Variants in ANKRD44 observed in about 807,000 individuals in gnomAD.
The protein encoded by ANKRD44 is ankyrin repeat domain 44, also known as serine/threonine-protein phosphatase 6 regulatory ankyrin repeat subunit B.
Under a neutral mutation model 116.0 loss-of-function variants are expected in ANKRD44, and 35 were observed. The observed-to-expected ratio is 0.30, with a 90% CI of 0.23 to 0.40. The LOEUF is 0.40. Ranked by LOEUF, ANKRD44 falls within the 10% of genes least tolerant of loss-of-function variation. The probability of loss-of-function intolerance (pLI) is 1.00; values close to 1 mark genes in which losing one functional copy is unlikely to be tolerated. For missense variants in ANKRD44, 1,014 were observed against 1,242.6 expected, an observed-to-expected ratio of 0.82 and a Z score of 2.77; for synonymous variants, 435 against 461.8, an observed-to-expected ratio of 0.94 and a Z score of 0.74.
chr2:196,986,832 A>T lies in ANKRD44; in HGVS notation c.*2759T>A. 1.0e-6 allele frequency: 1 copy of T among 985,466 alleles called. No individual in the cohort carries two copies. The highest frequency in any genetic ancestry group is 1.7e-5 in the African/African-American group (1 of 57,374). The allele number at this position is 985,466 out of a possible 1,614,324, so 61.0% of individuals were successfully genotyped here. A position where few individuals can be genotyped will look rare whatever the true frequency, so the allele number is the denominator to read the frequency against. ...TGTTTCAAAGTCATTCACTGAACTA[A>T]AAGTCATTTTCCCCATTTTTACAGT... On this transcript the variant is annotated 3_prime_UTR_variant, in exon 28 of 28. Transcript: ENST00000282272.
intron 16 of ANKRD44, among the ~76,000 whole-genome samples, chr2:197,060,362 T>C (rs1297098833): frequency 6.6e-6 from 1 of 152,234 alleles, no homozygotes; most frequent in Non-Finnish European, 1.5e-5. Flanking sequence ...CTAGATACTT[T>C]ACTTACATTC....
At chr2:197,132,148 C>G (rs1293741218) in intron 4 of ANKRD44, among the ~76,000 whole-genome samples, 1 of 152,086 alleles carries the variant, frequency 6.6e-6, no homozygotes, top group African/African-American at 2.4e-5. Flanking sequence ...CTTAGGGAGC[C>G]AAAAAGGAGA....
intron 1 of ANKRD44, among the ~76,000 whole-genome samples, chr2:197,255,304 G>C (rs1316472856): frequency 6.6e-6 from 1 of 152,220 alleles, no homozygotes; most frequent in Non-Finnish European, 1.5e-5. Flanking sequence ...TGGAAGCTCA[G>C]CTTCCTGAGT....
chr2:197,004,305 T>C (rs527285776), intron 21 of ANKRD44, among the ~76,000 whole-genome samples: 31 of 152,118 alleles, frequency 2.0e-4, no homozygotes, highest in Non-Finnish European at 2.9e-4. Context: ...TTCAAGTACA[T>C]AAAAGCTCAA....
intron 1 of ANKRD44, among the ~76,000 whole-genome samples, chr2:197,210,636 C>A (rs1267779861): frequency 2.0e-5 from 3 of 152,192 alleles, no homozygotes; most frequent in African/African-American, 7.2e-5. Flanking sequence ...TCATGCAAGG[C>A]AGGCCTTAAG....
At position 196,978,749 on chromosome 2, in the gene ANKRD44, C is replaced by G. The variant is rs150788095; in HGVS notation, c.2369-11303G>C. ...CATCAACGTGTATCCTTTAAAAGAGCGAATTTTATGTTATGTCAATTATAT... is the reference window on the plus strand; with the variant it reads ...CATCAACGTGTATCCTTTAAAAGAGGGAATTTTATGTTATGTCAATTATAT... On this transcript the variant is annotated intron_variant, in intron 21 of 21. Coordinates refer to the ANKRD44 transcript ENST00000424317. 4.6e-3 allele frequency among the ~76,000 whole-genome samples: 688 copies of G among 150,756 alleles called. 3 individuals are homozygous for G. The highest frequency in any genetic ancestry group is 0.015 in the African/African-American group (634 of 41,188).
At position 196,998,954 on chromosome 2, in the gene ANKRD44, T is replaced by C. The variant is rs763820234; in HGVS notation, c.2618A>G (p.Lys873Arg). ...CTCAGCAGCCATCATCAGTGCTGTT[T>C]TCCCTGAATTATCTACTGCGTTCAC... ...APVNAVDNSG[K>R]TALMMAAENG... The change falls in exon 24 of 28, where the codon AAA becomes AGA. Residue 873 changes from lysine (K) to arginine (R), a missense_variant. By Grantham distance (26) the Lys-to-Arg change is conservative. Transcript: ENST00000282272. 2.5e-6 allele frequency: 4 copies of C among 1,614,124 alleles called. No individual in the cohort carries two copies. The highest frequency in any genetic ancestry group is 3.4e-6 in the Non-Finnish European group (4 of 1,180,044).
At chr2:197,236,500 G>T (rs963395556) in intron 1 of ANKRD44, among the ~76,000 whole-genome samples, 1 of 152,124 alleles carries the variant, frequency 6.6e-6, no homozygotes, top group Non-Finnish European at 1.5e-5. Flanking sequence ...TGTTATGAAA[G>T]ATTTCTTGTT....
intron 10 of ANKRD44, among the ~76,000 whole-genome samples, chr2:197,096,995 G>T (rs371381233): frequency 9.2e-5 from 14 of 152,282 alleles, no homozygotes; most frequent in African/African-American, 3.4e-4. Context: ...GGCTCTTTCA[G>T]GCTGAGACAA....
At chr2:197,206,286 T>C (rs1208198427) in intron 1 of ANKRD44, among the ~76,000 whole-genome samples, 1 of 152,188 alleles carries the variant, frequency 6.6e-6, no homozygotes, top group African/African-American at 2.4e-5. Flanking sequence ...CTGCCTAGGC[T>C]GGACATACAA....
chr2:197,027,909 C>CA (rs990311215), intron 16 of ANKRD44, among the ~76,000 whole-genome samples: 3 of 151,936 alleles, frequency 2.0e-5, no homozygotes, highest in African/African-American at 7.3e-5. Flanking sequence ...AGGCTGGTCT[C>CA]AAACTCTTGG....
At chr2:197,278,059 G>A (rs534169213) in intron 1 of ANKRD44, among the ~76,000 whole-genome samples, 2 of 152,202 alleles carry the variant, frequency 1.3e-5, no homozygotes, top group Admixed American at 1.3e-4. Flanking sequence ...CCTAATCAGA[G>A]AGCCATCTTA....
chr2:197,246,866 C>T (rs2082204714), intron 1 of ANKRD44, among the ~76,000 whole-genome samples: 1 of 152,160 alleles, frequency 6.6e-6, no homozygotes, highest in Non-Finnish European at 1.5e-5. Context: ...CAAGATGACA[C>T]AGCAAGGAAG....
At chr2:197,071,532 T>C (rs913341381) in intron 16 of ANKRD44, among the ~76,000 whole-genome samples, 3 of 152,224 alleles carry the variant, frequency 2.0e-5, no homozygotes, top group African/African-American at 7.2e-5. Flanking sequence ...ATTTCTAGTT[T>C]TATCCCATTA....
chr2:197,036,438 T>C (rs1199364855), intron 16 of ANKRD44, among the ~76,000 whole-genome samples: 1 of 152,144 alleles, frequency 6.6e-6, no homozygotes, highest in Non-Finnish European at 1.5e-5. Context: ...TTTGTATTTT[T>C]AGTAGAGATG....
At chr2:197,051,498 ATCC>A (rs538704865) in intron 16 of ANKRD44, among the ~76,000 whole-genome samples, 112 of 152,270 alleles carry the variant, frequency 7.4e-4, no homozygotes, top group Admixed American at 1.5e-3. Flanking sequence ...GGCTCAAACA[ATCC>A]TCCTGCTTCA....
intron 10 of ANKRD44, among the ~76,000 whole-genome samples, chr2:197,093,915 C>G (rs535910778): frequency 2.2e-4 from 33 of 152,230 alleles, no homozygotes; most frequent in African/African-American, 7.5e-4. Context: ...AAAGAGGAGA[C>G]CAATTTCGTT....
chr2:197,006,959 G>C (rs1177998826), intron 20 of ANKRD44, among the ~76,000 whole-genome samples: 2 of 152,128 alleles, frequency 1.3e-5, no homozygotes, highest in Non-Finnish European at 2.9e-5. Flanking sequence ...ACAAAAATTA[G>C]CTGGGCATGC....
intron 16 of ANKRD44, among the ~76,000 whole-genome samples, chr2:197,055,870 A>G (rs1443458956): frequency 1.3e-5 from 2 of 152,044 alleles, no homozygotes; most frequent in African/African-American, 4.8e-5. Flanking sequence ...CTTTGCTCTA[A>G]TACCATACTG....
Sources: allele counts gnomAD v4.1 joint callset (sites outside exome capture counted in the v4.1 genomes callset), GRCh38; gene constraint gnomAD v4.1.1; transcripts MANE v1.5; gene names NCBI Gene and HGNC (gene_info 2026-07-23, HGNC 2026-07-21).